DCDC2: variants seen among roughly 807,000 people sequenced by gnomAD.
DCDC2 encodes doublecortin domain containing 2, also known as doublecortin domain-containing protein 2.
In DCDC2, 40 loss-of-function variants were observed where a neutral mutation model predicts 50.2. The ratio of observed to expected loss-of-function variants is 0.80; its 90% confidence interval spans 0.62 to 1.04. DCDC2 has a LOEUF of 1.04. DCDC2 is among the 50% of genes least tolerant of loss of function. The pLI, the probability that DCDC2 is intolerant of heterozygous loss-of-function variation, is 0.00. For missense variants in DCDC2, 570 were observed against 581.9 expected (o/e 0.98, Z 0.21); for synonymous variants, 234 against 210.6 (o/e 1.11, Z -0.96).
chr6:24,194,939 G>A (rs1333591116), intron 8 of DCDC2, among the ~76,000 whole-genome samples: 3 of 152,084 alleles, frequency 2.0e-5, no homozygotes, highest in Non-Finnish European at 4.4e-5. Flanking sequence ...GTACTACCAG[G>A]TCCATCATCA....
chr6:24,378,034 G>A, the DCDC2 span, among the ~76,000 whole-genome samples: 1 of 152,194 alleles, frequency 6.6e-6, no homozygotes, highest in South Asian at 2.1e-4. Context: ...CACATTGTAT[G>A]CACCAAAAAG....
At chr6:24,235,868 C>T (rs1762431627) in intron 7 of DCDC2, among the ~76,000 whole-genome samples, 1 of 151,974 alleles carries the variant, frequency 6.6e-6, no homozygotes, top group African/African-American at 2.4e-5. Context: ...TAGCCATACG[C>T]AAAAATAAAA....
At chr6:24,334,266 T>C (rs370753574) in intron 2 of DCDC2, among the ~76,000 whole-genome samples, 13 of 152,226 alleles carry the variant, frequency 8.5e-5, no homozygotes, top group African/African-American at 3.1e-4. Flanking sequence ...GTATACTTAC[T>C]GGAAATGCTG....
intron 4 of DCDC2, among the ~76,000 whole-genome samples, chr6:24,293,235 A>T (rs909902564): frequency 1.3e-5 from 2 of 152,204 alleles, no homozygotes; most frequent in African/African-American, 4.8e-5. Context: ...CCCAGCACTG[A>T]ATAAATTCTA....
At chr6:24,351,328 A>C (rs1054989206) in intron 2 of DCDC2, among the ~76,000 whole-genome samples, 23 of 152,166 alleles carry the variant, frequency 1.5e-4, no homozygotes, top group Non-Finnish European at 2.5e-4. Flanking sequence ...GCTTGTCCAG[A>C]CCTGGAGGAA....
chr6:24,324,571 G>C (rs762697422), intron 2 of DCDC2, among the ~76,000 whole-genome samples: 1 of 152,202 alleles, frequency 6.6e-6, no homozygotes, highest in Middle Eastern at 3.4e-3. Flanking sequence ...TTTGGGTGAG[G>C]GTAGCTCATC....
At chr6:24,358,904 AT>A (rs1407073827), upstream of DCDC2, among the ~76,000 whole-genome samples, 9 of 22,570 alleles carry the variant, frequency 4.0e-4, no homozygotes, top group Admixed American at 2.5e-3. Context: ...TATATAATAT[AT>A]TATATATTAT....
chr6:24,369,140 A>AAAAAAAC, the DCDC2 span, among the ~76,000 whole-genome samples: 2 of 150,944 alleles, frequency 1.3e-5, no homozygotes, highest in Non-Finnish European at 2.9e-5. Context: ...TCTCAAAAAA[A>AAAAAAAC]AAAAAAAAAA....
intron 8 of DCDC2, among the ~76,000 whole-genome samples, chr6:24,194,359 C>T (rs913003464): frequency 6.6e-6 from 1 of 152,090 alleles, no homozygotes; most frequent in Non-Finnish European, 1.5e-5. Context: ...GGGTTAAATG[C>T]TATTTAATGA....
intron 2 of DCDC2, among the ~76,000 whole-genome samples, chr6:24,315,841 A>G (rs1759650717): frequency 6.6e-6 from 1 of 152,212 alleles, no homozygotes; most frequent in African/African-American, 2.4e-5. Context: ...CATGGAGAAG[A>G]GACTGCAGAA....
intron 2 of DCDC2, among the ~76,000 whole-genome samples, chr6:24,302,329 GA>G (rs1759397109): frequency 6.7e-6 from 1 of 149,356 alleles, no homozygotes; most frequent in African/African-American, 2.5e-5. Flanking sequence ...TTTCTGTTAC[GA>G]AAATATTAAG....
At chr6:24,292,015 C>T (rs901836054) in intron 4 of DCDC2, among the ~76,000 whole-genome samples, 8 of 152,004 alleles carry the variant, frequency 5.3e-5, no homozygotes, top group Non-Finnish European at 1.0e-4. Context: ...GCCGTCCCTA[C>T]TAAGCAAAAC....
At chr6:24,187,682 C>A (rs554417760) in intron 8 of DCDC2, among the ~76,000 whole-genome samples, 259 of 152,298 alleles carry the variant, frequency 1.7e-3, no homozygotes, top group Non-Finnish European at 3.3e-3. Flanking sequence ...GTTCCCAACA[C>A]CACTGACTCT....
chr6:24,203,381 G>C (rs570419175), intron 8 of DCDC2, among the ~76,000 whole-genome samples: 1 of 152,236 alleles, frequency 6.6e-6, no homozygotes, highest in East Asian at 1.9e-4. Flanking sequence ...AACAAGCAAT[G>C]GGGAAAGGAT....
rs1279388696 is a variant in DCDC2, at chr6:24,173,213, T to C, written c.*1517A>G. ...TTGTGTCATTATCTCTTCCAAATAC[T>C]GTTACATTATCTCTCTGTTTACACT... On this transcript the variant is annotated 3_prime_UTR_variant, in exon 10 of 10. Coordinates refer to ENST00000378454, the MANE Select transcript of DCDC2 (RefSeq NM_016356.5). The C allele has an allele frequency of 6.6e-6, 1 of 151,974 alleles. No homozygotes were observed. Among genetic ancestry groups the C allele is most frequent in the Non-Finnish European group, 1.5e-5 (1 of 67,976 alleles). 9.4% of individuals were successfully genotyped at this position (151,974 alleles called of 1,614,324 possible).
intron 7 of DCDC2, among the ~76,000 whole-genome samples, chr6:24,239,806 G>C (rs1356720147): frequency 6.6e-6 from 1 of 152,094 alleles, no homozygotes; most frequent in Non-Finnish European, 1.5e-5. Context: ...GAATTTTGTG[G>C]GTGTCTGTGT....
At chr6:24,191,237 C>A (rs1054700492) in intron 8 of DCDC2, among the ~76,000 whole-genome samples, 2 of 152,170 alleles carry the variant, frequency 1.3e-5, no homozygotes, top group African/African-American at 4.8e-5. Flanking sequence ...ACAAGAAGTT[C>A]TTCATCTTAC....
intron 7 of DCDC2, among the ~76,000 whole-genome samples, chr6:24,232,004 TACACACAC>T (rs57865332): frequency 1.6e-3 from 239 of 148,514 alleles, no homozygotes; most frequent in African/African-American, 5.6e-3. Context: ...CATATATATA[TACACACAC>T]ACACACACAC....
rs1343231576 is a variant in DCDC2, at chr6:24,174,141, T to G, written c.*589A>C. 6.6e-6 allele frequency: 1 copy of G among 152,516 alleles called. No individual in the cohort carries two copies. Among genetic ancestry groups the G allele is most frequent in the East Asian group, 1.9e-4 (1 of 5,194 alleles). The allele number at this position is 152,516 out of a possible 1,614,324, so 9.4% of individuals were successfully genotyped here. A position where few individuals can be genotyped will look rare whatever the true frequency, so the allele number is the denominator to read the frequency against. ...AGTCACTAACACTCTGAACCAATGC[T>G]TCCTCCCACCAAAATGAACGCCTTG... On this transcript the variant is annotated 3_prime_UTR_variant, in exon 10 of 10. Coordinates refer to ENST00000378454, the MANE Select transcript of DCDC2 (RefSeq NM_016356.5).
Sources: gnomAD v4.1 joint callset for allele counts (sites outside exome capture counted in the v4.1 genomes callset) on GRCh38, gnomAD v4.1.1 for gene constraint, MANE v1.5 for transcripts, NCBI Gene and HGNC (gene_info 2026-07-23, HGNC 2026-07-21) for gene names.